The following GFRA2 variants were observed in gnomAD, a reference collection of about 807,000 sequenced individuals.
GFRA2 encodes GDNF family receptor alpha 2.
Under a neutral mutation model 48.3 loss-of-function variants are expected in GFRA2, and 17 were observed. The observed-to-expected ratio is 0.35, with a 90% CI of 0.24 to 0.53. The LOEUF (loss-of-function observed/expected upper bound fraction) is 0.53. Among genes scored for constraint, GFRA2 ranks in the 20% least tolerant of loss-of-function variants. The pLI, the probability that GFRA2 is intolerant of heterozygous loss-of-function variation, is 0.93. For synonymous variants in GFRA2, 305 were observed against 257.2 expected (o/e 1.19, Z -1.78); for missense variants, 660 against 637.3 (o/e 1.04, Z -0.38).
rs1801897173 is a variant in GFRA2 at position 21,691,949 on chromosome 8, C to G, written c.*1329G>C. On this transcript the variant is annotated 3_prime_UTR_variant, in exon 9 of 9. Coordinates refer to ENST00000524240, the MANE Select transcript of GFRA2 (RefSeq NM_001495.5). ...TTTCCCCAGCCCACTGGGAGCTCCA[C>G]TTACGCAGGTAACACTGGACCAAGA... 1 of 152,716 alleles carries G rather than the reference C, an allele frequency of 6.5e-6. No homozygotes were observed. Among genetic ancestry groups the G allele is most frequent in the African/African-American group, 2.4e-5 (1 of 41,460 alleles). 9.5% of individuals were successfully genotyped at this position (152,716 alleles called of 1,614,324 possible). A position where few individuals can be genotyped will look rare whatever the true frequency, so the allele number is the denominator to read the frequency against.
chr8:21,704,504 ATCT>A (rs1333445899), intron 6 of GFRA2, among the ~76,000 whole-genome samples: 1 of 152,192 alleles, frequency 6.6e-6, no homozygotes, highest in Non-Finnish European at 1.5e-5. Flanking sequence ...GAGGGAAGAA[ATCT>A]TCAGGTGGGC....
At chr8:21,793,435 G>A (rs2117104222), upstream of GFRA2, among the ~76,000 whole-genome samples, 1 of 152,254 alleles carries the variant, frequency 6.6e-6, no homozygotes, top group South Asian at 2.1e-4. Context: ...GCATGATGCT[G>A]GAACACAGGG....
At chr8:21,735,808 G>A (rs1037263868) in intron 4 of GFRA2, among the ~76,000 whole-genome samples, 2 of 151,804 alleles carry the variant, frequency 1.3e-5, no homozygotes, top group Non-Finnish European at 2.9e-5. Context: ...CCGGGACTAC[G>A]GGCCCATGCC....
At chr8:21,702,728 TG>T in intron 7 of GFRA2, 76 bp downstream of exon 7, 1 of 1,420,798 alleles carries the variant, frequency 7.0e-7, no homozygotes, top group Non-Finnish European at 9.4e-7. Context: ...CCTCCCTCCC[TG>T]GCCTCAGCTG....
At chr8:21,703,875 T>C (rs1336367062) in intron 6 of GFRA2, among the ~76,000 whole-genome samples, 2 of 152,212 alleles carry the variant, frequency 1.3e-5, no homozygotes, top group Non-Finnish European at 2.9e-5. Flanking sequence ...CCTGTCAGAA[T>C]TGATTCACTC....
chr8:21,785,286 C>A (rs1807216124), intron 1 of GFRA2, among the ~76,000 whole-genome samples: 1 of 152,140 alleles, frequency 6.6e-6, no homozygotes, highest in African/African-American at 2.4e-5. Context: ...TGAGGGCTTC[C>A]CCCATCCTGC....
chr8:21,717,644 G>A (rs1202371662), intron 4 of GFRA2, among the ~76,000 whole-genome samples: 3 of 152,198 alleles, frequency 2.0e-5, no homozygotes, highest in Non-Finnish European at 4.4e-5. Flanking sequence ...GGTTCTGGAA[G>A]CCTCAGCAAA....
At chr8:21,810,720 A>G (rs947210840) in intron 1 of GFRA2, among the ~76,000 whole-genome samples, 2 of 151,810 alleles carry the variant, frequency 1.3e-5, no homozygotes, top group African/African-American at 4.8e-5. Context: ...ATTCTCAGGG[A>G]CTCTATGGAA....
chr8:21,793,394 G>C (rs1807612165), upstream of GFRA2, among the ~76,000 whole-genome samples: 2 of 152,152 alleles, frequency 1.3e-5, no homozygotes, highest in African/African-American at 2.4e-5. Context: ...CAGAGGGAGA[G>C]GGTTGTCAGA....
intron 2 of GFRA2, among the ~76,000 whole-genome samples, chr8:21,794,480 A>C (rs1807634096): frequency 1.3e-5 from 2 of 150,462 alleles, no homozygotes; most frequent in South Asian, 4.2e-4. Context: ...CGAACTCTTG[A>C]CCTCAGGTGA....
intron 3 of GFRA2, among the ~76,000 whole-genome samples, chr8:21,752,987 C>T (rs1805372463): frequency 6.6e-6 from 1 of 152,152 alleles, no homozygotes; most frequent in Admixed American, 6.5e-5. Context: ...CAGCCTCCTG[C>T]TTTGCCCTGT....
At chr8:21,779,930 C>T (rs1221222838) in intron 2 of GFRA2, among the ~76,000 whole-genome samples, 1 of 152,020 alleles carries the variant, frequency 6.6e-6, no homozygotes, top group East Asian at 1.9e-4. Flanking sequence ...CCACTTTGTG[C>T]CCTGGACCCA....
chr8:21,751,455 T>C (rs1805291467), intron 3 of GFRA2, among the ~76,000 whole-genome samples: 1 of 152,094 alleles, frequency 6.6e-6, no homozygotes, highest in Admixed American at 6.5e-5. Flanking sequence ...AGATGGGAGA[T>C]CACCTCACCC....
chr8:21,782,963 A>G (rs992346187), intron 1 of GFRA2, 64 bp from the exon 2 acceptor site: 1 of 1,441,446 alleles, frequency 6.9e-7, no homozygotes, highest in African/African-American at 1.4e-5. Flanking sequence ...CCCAAGATGC[A>G]GGCCTGGGGG....
At chr8:21,751,195 T>TGGCAATCTAGGTACATA (rs1480044793) in intron 3 of GFRA2, among the ~76,000 whole-genome samples, 1 of 152,166 alleles carries the variant, frequency 6.6e-6, no homozygotes, top group Non-Finnish European at 1.5e-5. Context: ...AGCTGTACCA[T>TGGCAATCTAGGTACATA]GGCAATCTAG....
rs951249664 is a variant in GFRA2, at chr8:21,776,137, G to A, written c.356-1082C>T. On this transcript the variant is annotated intron_variant, in intron 2 of 8. Transcript: ENST00000524240. ...CTCTGCCTAAGAGAGAGCACAGGTG[G>A]GGCAGCCTCTTCAGGGTTACCTGCA... Among the ~76,000 whole-genome samples the A allele has an allele frequency of 3.3e-5, 5 of 151,982 alleles. No homozygotes were observed. In the East Asian group the frequency reaches 9.7e-4, roughly 29 times the overall value.
chr8:21,727,940 C>T (rs531965598), intron 4 of GFRA2, among the ~76,000 whole-genome samples: 1 of 150,484 alleles, frequency 6.6e-6, no homozygotes, highest in Non-Finnish European at 1.5e-5. Flanking sequence ...GTCTGGGCCG[C>T]CCTTCAGCCC....
chr8:21,746,539 A>C (rs572787059), intron 4 of GFRA2, among the ~76,000 whole-genome samples: 2 of 152,276 alleles, frequency 1.3e-5, no homozygotes, highest in African/African-American at 4.8e-5. Context: ...AAAGTGAGCC[A>C]TGTACCTAAT....
chr8:21,743,886 AC>A (rs1804870086), intron 4 of GFRA2, among the ~76,000 whole-genome samples: 2 of 152,178 alleles, frequency 1.3e-5, no homozygotes, highest in Admixed American at 1.3e-4. Flanking sequence ...AGATCAAGGA[AC>A]CCTTAGGAAA....
Sources: gnomAD v4.1 joint callset for allele counts (sites outside exome capture counted in the v4.1 genomes callset) on GRCh38, gnomAD v4.1.1 for gene constraint, MANE v1.5 for transcripts, NCBI Gene and HGNC (gene_info 2026-07-23, HGNC 2026-07-21) for gene names.